The following SORCS1 variants were observed in gnomAD, a reference collection of about 807,000 sequenced individuals.
SORCS1 encodes the protein sortilin related VPS10 domain containing receptor 1.
In SORCS1, 60 loss-of-function variants were observed where a neutral mutation model predicts 146.1. That is an observed-to-expected ratio of 0.41 (90% confidence interval 0.33 to 0.51). The LOEUF (loss-of-function observed/expected upper bound fraction) is 0.51, where lower values mean the gene tolerates loss of function less well. Ranked by LOEUF, SORCS1 falls within the 20% of genes least tolerant of loss-of-function variation. The pLI, the probability that SORCS1 is intolerant of heterozygous loss-of-function variation, is 0.21. For synonymous variants in SORCS1, 637 were observed against 584.0 expected, an observed-to-expected ratio of 1.09 and a Z score of -1.31; for missense variants, 1,352 against 1,487.6, an observed-to-expected ratio of 0.91 and a Z score of 1.50.
At chr10:106,701,739 T>C (rs779830094) in intron 8 of SORCS1, among the ~76,000 whole-genome samples, 4 of 152,230 alleles carry the variant, frequency 2.6e-5, no homozygotes, top group African/African-American at 7.2e-5. Context: ...GTAAAACTAG[T>C]TGAGTTCAAA....
chr10:106,651,376 T>C (rs530064004), intron 18 of SORCS1, among the ~76,000 whole-genome samples: 1 of 152,292 alleles, frequency 6.6e-6, no homozygotes, highest in African/African-American at 2.4e-5. Context: ...CAATGCACAA[T>C]GCACAACCTG....
At chr10:106,601,933 G>A (rs1846267578) in intron 23 of SORCS1, among the ~76,000 whole-genome samples, 1 of 152,192 alleles carries the variant, frequency 6.6e-6, no homozygotes, top group Admixed American at 6.5e-5. Context: ...TACCCTGAAA[G>A]CAGTGGGCTG....
At chr10:106,822,781 G>GTTTTTTTTTTTT (rs1564699805) in intron 3 of SORCS1, among the ~76,000 whole-genome samples, 1 of 118,084 alleles carries the variant, frequency 8.5e-6, no homozygotes, top group African/African-American at 4.4e-5. Context: ...ATTCATGTGT[G>GTTTTTTTTTTTT]GTTTTTTTTT....
intron 5 of SORCS1, among the ~76,000 whole-genome samples, chr10:106,740,578 C>T (rs886227634): frequency 6.6e-6 from 1 of 151,980 alleles, no homozygotes; most frequent in African/African-American, 2.4e-5. Context: ...TTCTTGAAAG[C>T]TGTGTGAGGA....
intron 2 of SORCS1, among the ~76,000 whole-genome samples, chr10:106,880,993 C>T (rs548478660): frequency 1.4e-5 from 2 of 143,536 alleles, no homozygotes; most frequent in African/African-American, 2.6e-5. Context: ...GGGAGAATGG[C>T]GTGAACCCAG....
chr10:106,680,042 C>G (rs909345878), intron 10 of SORCS1, among the ~76,000 whole-genome samples: 24 of 151,986 alleles, frequency 1.6e-4, no homozygotes, highest in African/African-American at 5.6e-4. Flanking sequence ...CATTAATTAC[C>G]ATAAAAAGAG....
intron 2 of SORCS1, among the ~76,000 whole-genome samples, chr10:106,887,266 T>C (rs1011106815): frequency 4.6e-5 from 7 of 152,230 alleles, no homozygotes; most frequent in African/African-American, 1.4e-4. Context: ...ATTTAAAATA[T>C]GTTAATGAAT....
rs1232104753 is a variant in SORCS1 at position 106,926,860 on chromosome 10, C to G, written c.626+29653G>C. Among the ~76,000 whole-genome samples, 270 of 90,222 alleles carry G rather than the reference C, an allele frequency of 3.0e-3. 4 individuals are homozygous for G. Among genetic ancestry groups the G allele is most frequent in the African/African-American group, 0.018 (237 of 13,056 alleles). 59.2% of individuals were successfully genotyped at this position (90,222 alleles called of 152,430 possible). A position where few individuals can be genotyped will look rare whatever the true frequency, so the allele number is the denominator to read the frequency against. On this transcript the variant is annotated intron_variant, in intron 2 of 25. Transcript: ENST00000263054. ...ACACACACACACACACACACACACA[C>G]ACACACAGAGAGAGAGAGAGAGAGA...
chr10:107,054,171 A>G (rs556290711), intron 1 of SORCS1, among the ~76,000 whole-genome samples: 1 of 152,338 alleles, frequency 6.6e-6, no homozygotes, highest in South Asian at 2.1e-4. Flanking sequence ...AATATGCAGT[A>G]TGATTCAGAG....
intron 2 of SORCS1, among the ~76,000 whole-genome samples, chr10:106,949,229 TTTA>T (rs201810965): frequency 2.0e-5 from 3 of 152,098 alleles, no homozygotes; most frequent in Non-Finnish European, 2.9e-5. Flanking sequence ...ACACTCTGGT[TTTA>T]TTATTATTAT....
intron 1 of SORCS1, among the ~76,000 whole-genome samples, chr10:107,083,668 T>A (rs1413035771): frequency 1.3e-5 from 2 of 152,186 alleles, no homozygotes; most frequent in African/African-American, 4.8e-5. Context: ...CTTAACCTAC[T>A]CCTAGCCTTA....
rs185327423 is a variant in SORCS1 at position 107,045,752 on chromosome 10, T to C, written c.559-89172A>G. Among the ~76,000 whole-genome samples the C allele has an allele frequency of 2.6e-5, 4 of 151,594 alleles. No individual in the cohort carries two copies. In the East Asian group the frequency reaches 7.8e-4, roughly 29 times the overall value. ...GGATATATATTTATGTGTGTGTATG[T>C]GTGTGTGTGTTATGTGAATATATAT... On this transcript the variant is annotated intron_variant, in intron 1 of 25. Transcript: ENST00000263054.
At chr10:106,609,606 AG>A (rs1477649386) in intron 22 of SORCS1, among the ~76,000 whole-genome samples, 1 of 152,138 alleles carries the variant, frequency 6.6e-6, no homozygotes, top group Non-Finnish European at 1.5e-5. Context: ...TTGGGTGACT[AG>A]GGAGCCTTGA....
intron 5 of SORCS1, among the ~76,000 whole-genome samples, chr10:106,738,583 A>T (rs4918248): frequency 1.3e-5 from 2 of 152,160 alleles, no homozygotes; most frequent in Admixed American, 1.3e-4. Context: ...GCGTGGGGCC[A>T]GAGGGGCCAC....
intron 2 of SORCS1, among the ~76,000 whole-genome samples, chr10:106,879,153 A>AAC (rs1205474574): frequency 6.6e-6 from 1 of 151,710 alleles, no homozygotes; most frequent in Non-Finnish European, 1.5e-5. Context: ...CCATCAAAAA[A>AAC]AAAAAAAAAA....
intron 17 of SORCS1, among the ~76,000 whole-genome samples, chr10:106,663,851 T>C (rs934917716): frequency 4.1e-4 from 63 of 152,216 alleles, no homozygotes; most frequent in African/African-American, 1.5e-3. Context: ...GGGGTTATTA[T>C]TGACAACCAC....
chr10:107,134,860 C>G (rs1967149156), intron 1 of SORCS1, among the ~76,000 whole-genome samples: 1 of 152,120 alleles, frequency 6.6e-6, no homozygotes, highest in African/African-American at 2.4e-5. Context: ...GTCCTGGGCC[C>G]TTAGTTGAGT....
At chr10:107,011,990 C>T (rs1957715023) in intron 1 of SORCS1, among the ~76,000 whole-genome samples, 1 of 152,144 alleles carries the variant, frequency 6.6e-6, no homozygotes, top group South Asian at 2.1e-4. Context: ...AGTATGTTTA[C>T]TGTTTTATCA....
intron 7 of SORCS1, 56 bp downstream of exon 7, chr10:106,709,163 GGACA>G (rs1354898710): frequency 7.5e-7 from 1 of 1,341,816 alleles, no homozygotes; most frequent in Admixed American, 1.7e-5. Flanking sequence ...CAGGCAAAAG[GGACA>G]GAAACAAGGA....
Sources: allele counts gnomAD v4.1 joint callset (sites outside exome capture counted in the v4.1 genomes callset), GRCh38; gene constraint gnomAD v4.1.1; transcripts MANE v1.5; gene names NCBI Gene and HGNC (gene_info 2026-07-23, HGNC 2026-07-21).